CHCHD6: variants seen among roughly 807,000 people sequenced by gnomAD.
The protein encoded by CHCHD6 is MICOS complex subunit MIC25.
CHCHD6 carries 28 observed loss-of-function variants against 32.3 expected under a neutral mutation model. That is an observed-to-expected ratio of 0.87 (90% CI 0.64 to 1.19). The LOEUF (loss-of-function observed/expected upper bound fraction) is 1.19, where lower values mean the gene tolerates loss of function less well. Ranked by LOEUF, CHCHD6 falls within the 50% of genes most tolerant of loss-of-function variation. The pLI is 0.00. For synonymous variants in CHCHD6, 122 were observed against 117.5 expected, an observed-to-expected ratio of 1.04 and a Z score of -0.25; for missense variants, 333 against 307.0, an observed-to-expected ratio of 1.08 and a Z score of -0.63.
At chr3:126,896,322 G>A (rs756839297) in intron 5 of CHCHD6, among the ~76,000 whole-genome samples, 2 of 152,196 alleles carry the variant, frequency 1.3e-5, no homozygotes, top group Non-Finnish European at 2.9e-5. Context: ...TTGTCAAAAA[G>A]TACTTTAGTT....
At chr3:126,940,486 A>C (rs2078544024) in intron 6 of CHCHD6, among the ~76,000 whole-genome samples, 2 of 152,302 alleles carry the variant, frequency 1.3e-5, no homozygotes, top group African/African-American at 4.8e-5. Flanking sequence ...ACGTTTTATC[A>C]ATATAATCGG....
intron 4 of CHCHD6, among the ~76,000 whole-genome samples, chr3:126,751,918 A>T (rs1388219911): frequency 6.6e-6 from 1 of 152,176 alleles, no homozygotes; most frequent in African/African-American, 2.4e-5. Flanking sequence ...TTTACCAGTT[A>T]TGCCCCTCCA....
chr3:126,950,111 C>T (rs916148727), intron 6 of CHCHD6, among the ~76,000 whole-genome samples: 21 of 152,150 alleles, frequency 1.4e-4, no homozygotes, highest in African/African-American at 4.8e-4. Context: ...ACAAAATTCT[C>T]ATTCCTGCAC....
chr3:126,863,465 C>A (rs1481093488), intron 5 of CHCHD6, among the ~76,000 whole-genome samples: 2 of 144,436 alleles, frequency 1.4e-5, no homozygotes, highest in African/African-American at 2.6e-5. Context: ...ACTGTCACCA[C>A]CTCCTCCACC....
At chr3:126,895,605 G>A (rs912388788) in intron 5 of CHCHD6, among the ~76,000 whole-genome samples, 5 of 152,180 alleles carry the variant, frequency 3.3e-5, no homozygotes, top group Non-Finnish European at 5.9e-5. Context: ...CCATTATTTG[G>A]AGAGCAAGTG....
intron 7 of CHCHD6, among the ~76,000 whole-genome samples, 166 bp from the exon 8 acceptor site, chr3:126,960,030 C>T (rs967021308): frequency 1.1e-4 from 16 of 152,118 alleles, no homozygotes; most frequent in Admixed American, 3.3e-4. Flanking sequence ...TGCTGGGCTC[C>T]GGGGTACAGA....
At chr3:126,949,985 A>G (rs2078694861) in intron 6 of CHCHD6, 3 of 152,882 alleles carry the variant, frequency 2.0e-5, no homozygotes, top group Admixed American at 2.0e-4. Flanking sequence ...AAGGAAGGGA[A>G]GTCTTCAGAG....
chr3:126,873,345 G>C (rs1458600206), intron 5 of CHCHD6, among the ~76,000 whole-genome samples: 1 of 152,126 alleles, frequency 6.6e-6, no homozygotes, highest in Non-Finnish European at 1.5e-5. Context: ...CTCTCTCCCA[G>C]CCTTGCTTTA....
chr3:126,776,830 A>G lies in CHCHD6; in HGVS notation c.411+43608A>G, dbSNP rs578021624. Among the ~76,000 whole-genome samples the G allele has an allele frequency of 2.6e-5, 4 of 152,170 alleles. No individual in the cohort carries two copies. In the South Asian group the frequency reaches 6.2e-4, roughly 24 times the overall value. On this transcript the variant is annotated intron_variant, in intron 4 of 7. Coordinates refer to ENST00000290913, the MANE Select transcript of CHCHD6 (RefSeq NM_032343.3). ...GGAATAATGGTTCATGTTATAATCGATGGTGTCTTAGATTCAATTACATAT... is the reference window on the plus strand; with the variant it reads ...GGAATAATGGTTCATGTTATAATCGGTGGTGTCTTAGATTCAATTACATAT...
chr3:126,792,976 T>TATC (rs1229569120), intron 4 of CHCHD6, among the ~76,000 whole-genome samples: 1 of 152,208 alleles, frequency 6.6e-6, no homozygotes, highest in Non-Finnish European at 1.5e-5. Flanking sequence ...TTGACCCTTT[T>TATC]ATCATTATGT....
rs567694396 is a variant in CHCHD6 at position 126,820,159 on chromosome 3, G to A, written c.412-32488G>A. On this transcript the variant is annotated intron_variant, in intron 4 of 7. Coordinates refer to ENST00000290913, the MANE Select transcript of CHCHD6 (RefSeq NM_032343.3). ...AGAGACACTTACTGTAATGGGAGCT[G>A]TATTTTCTTTCTTTGGCCTCTCTGG... Among the ~76,000 whole-genome samples, 223 of 152,320 alleles carry A rather than the reference G, an allele frequency of 1.5e-3. 5 individuals carry two copies. The South Asian group carries it at 0.039, about 27-fold the overall frequency.
intron 4 of CHCHD6, among the ~76,000 whole-genome samples, chr3:126,805,770 T>C (rs1189837564): frequency 3.3e-5 from 5 of 150,602 alleles, no homozygotes; most frequent in East Asian, 2.0e-4. Context: ...AAGAACAAAG[T>C]TGGAGGCATC....
chr3:126,848,384 G>C (rs1461008566), intron 4 of CHCHD6, among the ~76,000 whole-genome samples: 1 of 152,092 alleles, frequency 6.6e-6, no homozygotes, highest in Non-Finnish European at 1.5e-5. Flanking sequence ...CCTATTTGGT[G>C]GTTAGCCTGT....
intron 1 of CHCHD6, among the ~76,000 whole-genome samples, chr3:126,711,019 C>T (rs934379702): frequency 1.3e-5 from 2 of 152,200 alleles, no homozygotes; most frequent in African/African-American, 4.8e-5. Context: ...TGAAAGCATT[C>T]AGTCTTCCAT....
intron 5 of CHCHD6, among the ~76,000 whole-genome samples, chr3:126,881,710 C>T (rs887513745): frequency 5.3e-5 from 8 of 152,218 alleles, no homozygotes; most frequent in South Asian, 4.2e-4. Flanking sequence ...GATGGGGCAC[C>T]GCTGTGTTTT....
chr3:126,957,636 G>A, intron 7 of CHCHD6, 85 bp downstream of exon 7: 3 of 1,458,202 alleles, frequency 2.1e-6, no homozygotes, highest in Non-Finnish European at 2.8e-6. Context: ...ATCTCTGCCT[G>A]CCTTTTCCTG....
chr3:126,946,367 G>C (rs774698905), intron 6 of CHCHD6, among the ~76,000 whole-genome samples: 12 of 152,212 alleles, frequency 7.9e-5, no homozygotes, highest in Non-Finnish European at 1.8e-4. Flanking sequence ...AAGAGGAATG[G>C]CCCTTTCTTC....
intron 5 of CHCHD6, among the ~76,000 whole-genome samples, chr3:126,895,212 T>C (rs1446560332): frequency 6.6e-6 from 1 of 152,230 alleles, no homozygotes; most frequent in East Asian, 1.9e-4. Context: ...TTCAAATCAA[T>C]GTGATCTAAT....
chr3:126,787,843 C>A (rs1423088267), intron 4 of CHCHD6, among the ~76,000 whole-genome samples: 1 of 152,140 alleles, frequency 6.6e-6, no homozygotes, highest in African/African-American at 2.4e-5. Context: ...ATTGCCCTGG[C>A]CAGAACTTCC....
Sources: allele counts gnomAD v4.1 joint callset (sites outside exome capture counted in the v4.1 genomes callset), GRCh38; gene constraint gnomAD v4.1.1; transcripts MANE v1.5; gene names NCBI Gene and HGNC (gene_info 2026-07-23, HGNC 2026-07-21).